SHMT1: variants seen among roughly 807,000 people sequenced by gnomAD.
SHMT1 encodes the protein serine hydroxymethyltransferase 1.
Under a neutral mutation model 49.0 loss-of-function variants are expected in SHMT1, and 45 were observed. That is an observed-to-expected ratio of 0.92 (90% CI 0.72 to 1.18). The LOEUF (loss-of-function observed/expected upper bound fraction) is 1.18. Ranked by LOEUF, SHMT1 falls within the 50% of genes most tolerant of loss-of-function variation. SHMT1 has a pLI of 0.00. For synonymous variants in SHMT1, 232 were observed against 246.6 expected, an observed-to-expected ratio of 0.94 and a Z score of 0.55; for missense variants, 541 against 612.4, an observed-to-expected ratio of 0.88 and a Z score of 1.23.
chr17:18,352,441 C>T (rs1200370631), intron 3 of SHMT1, among the ~76,000 whole-genome samples: 1 of 152,206 alleles, frequency 6.6e-6, no homozygotes, highest in Non-Finnish European at 1.5e-5. Context: ...CCACCGCGCC[C>T]GGTCCCCCTT....
chr17:18,333,405 T>A, intron 8 of SHMT1, 117 bp from the exon 9 acceptor site: 3 of 869,146 alleles, frequency 3.5e-6, no homozygotes, highest in Non-Finnish European at 5.3e-6. Flanking sequence ...CACCCCTTGC[T>A]TTTGCGTTGG....
At position 18,358,464 on chromosome 17, in the gene SHMT1, G is replaced by A. The variant is rs188229435; in HGVS notation, c.-19-2464C>T. On this transcript the variant is annotated intron_variant, in intron 1 of 11. Coordinates refer to ENST00000316694, the MANE Select transcript of SHMT1 (RefSeq NM_004169.5). ...AAGATCACCACTGCACTCCAGGCTG[G>A]CAACAGAGCGAGACTCTGTCTCAAA... Among the ~76,000 whole-genome samples, 8 of 151,896 alleles carry A rather than the reference G, an allele frequency of 5.3e-5. No homozygotes were observed. The East Asian group carries it at 1.6e-3, about 30-fold the overall frequency.
intron 8 of SHMT1, among the ~76,000 whole-genome samples, chr17:18,334,510 G>T (rs1198076856): frequency 1.3e-5 from 2 of 152,200 alleles, no homozygotes; most frequent in African/African-American, 4.8e-5. Context: ...TTTTAATCTT[G>T]ATGTGTGAAA....
intron 5 of SHMT1, chr17:18,341,642 C>T (rs1292177760): frequency 1.2e-5 from 1 of 81,850 alleles, no homozygotes; most frequent in African/African-American, 6.2e-5. Context: ...AGCGAGACTC[C>T]ATCTGAAAAA....
chr17:18,353,229 C>T (rs1301166052), intron 3 of SHMT1, among the ~76,000 whole-genome samples: 1 of 152,248 alleles, frequency 6.6e-6, no homozygotes, highest in Non-Finnish European at 1.5e-5. Flanking sequence ...AAAGCCACTG[C>T]ATGTGTAAAT....
chr17:18,344,467 G>A (rs926560752), intron 5 of SHMT1, among the ~76,000 whole-genome samples: 5 of 149,484 alleles, frequency 3.3e-5, no homozygotes, highest in African/African-American at 1.2e-4. Context: ...AGGAGTTTGA[G>A]ACCCGCCTGG....
chr17:18,339,223 A>T (rs1984209644), intron 7 of SHMT1, among the ~76,000 whole-genome samples: 1 of 152,124 alleles, frequency 6.6e-6, no homozygotes, highest in Non-Finnish European at 1.5e-5. Flanking sequence ...GCCTAGGGGT[A>T]GGTTATGAGG....
At chr17:18,339,489 C>G (rs370258463) in intron 7 of SHMT1, among the ~76,000 whole-genome samples, 84 of 152,244 alleles carry the variant, frequency 5.5e-4, no homozygotes, top group Admixed American at 2.2e-3. Flanking sequence ...CTCCTATGTT[C>G]CTAGGACCTG....
intron 7 of SHMT1, among the ~76,000 whole-genome samples, chr17:18,337,744 G>T (rs1474724312): frequency 3.9e-5 from 6 of 152,208 alleles, no homozygotes; most frequent in African/African-American, 1.2e-4. Flanking sequence ...ACTGGTTTTC[G>T]TATTTTTTTG....
At chr17:18,335,956 TCTTAACAC>T (rs1181151511) in intron 7 of SHMT1, among the ~76,000 whole-genome samples, 1 of 120,808 alleles carries the variant, frequency 8.3e-6, no homozygotes, top group African/African-American at 2.9e-5. Context: ...TGGCATCTCT[TCTTAACAC>T]AACTAGAACA....
At chr17:18,352,568 C>CTAAG (rs907402935) in intron 3 of SHMT1, among the ~76,000 whole-genome samples, 1 of 151,954 alleles carries the variant, frequency 6.6e-6, no homozygotes, top group Non-Finnish European at 1.5e-5. Flanking sequence ...AGCTCTAATC[C>CTAAG]TAAGCACTCT....
At chr17:18,333,349 C>G (rs1983444653) in intron 8 of SHMT1, 61 bp from the exon 9 acceptor site, 2 of 1,549,590 alleles carry the variant, frequency 1.3e-6, no homozygotes, top group South Asian at 2.3e-5. Flanking sequence ...GATGATGAGT[C>G]AAACAACATT....
intron 1 of SHMT1, among the ~76,000 whole-genome samples, chr17:18,362,348 T>C (rs911991046): frequency 6.6e-6 from 1 of 152,076 alleles, no homozygotes; most frequent in African/African-American, 2.4e-5. Flanking sequence ...TGAGATAGAG[T>C]CTCACTCTGT....
At chr17:18,341,500 T>C (rs1975821) in intron 5 of SHMT1, 75,888 of 152,594 alleles carry the variant, frequency 0.5, 20,300 homozygotes, top group African/African-American at 0.71. Context: ...ATTAGCCAGA[T>C]ATGGTGGCGG....
At chr17:18,348,480 C>T in intron 3 of SHMT1, 40 bp from the exon 4 acceptor site, 1 of 1,459,158 alleles carries the variant, frequency 6.9e-7, no homozygotes, top group Admixed American at 1.7e-5. Flanking sequence ...CACTCAGACC[C>T]AGAAAGTCTG....
intron 1 of SHMT1, chr17:18,360,643 G>C (rs669340): frequency 0.66 from 101,005 of 152,022 alleles, 33,933 homozygotes; most frequent in African/African-American, 0.75. Flanking sequence ...GGAACGTCCC[G>C]GAGCTGAAAT....
intron 9 of SHMT1, chr17:18,332,640 C>T (rs1332885332): frequency 2.2e-5 from 4 of 183,602 alleles, no homozygotes; most frequent in African/African-American, 7.0e-5. Flanking sequence ...GGGCCCTGAC[C>T]TGGGAAGTCC....
intron 2 of SHMT1, among the ~76,000 whole-genome samples, 197 bp from the exon 3 acceptor site, chr17:18,354,014 G>A (rs959116892): frequency 1.1e-4 from 16 of 152,336 alleles, no homozygotes; most frequent in Middle Eastern, 3.4e-3. Flanking sequence ...CAGGTGCGGT[G>A]GCTCACGACT....
At chr17:18,333,442 T>C (rs1983454307) in intron 8 of SHMT1, 154 bp from the exon 9 acceptor site, 1 of 413,548 alleles carries the variant, frequency 2.4e-6, no homozygotes, top group Non-Finnish European at 3.9e-6. Flanking sequence ...AAATGATATA[T>C]TTTTAAAAAT....
Sources: gnomAD v4.1 joint callset for allele counts (sites outside exome capture counted in the v4.1 genomes callset) on GRCh38, gnomAD v4.1.1 for gene constraint, MANE v1.5 for transcripts, NCBI Gene and HGNC (gene_info 2026-07-23, HGNC 2026-07-21) for gene names.